Variants in RALGPS1 observed in about 807,000 individuals in gnomAD.
RALGPS1 encodes the protein ras-specific guanine nucleotide-releasing factor RalGPS1.
Under a neutral mutation model 78.8 loss-of-function variants are expected in RALGPS1, and 19 were observed. That is an observed-to-expected ratio of 0.24 (90% CI 0.17 to 0.35). The LOEUF is 0.35. Among genes scored for constraint, RALGPS1 ranks in the 10% least tolerant of loss-of-function variants. The pLI is 1.00. For synonymous variants in RALGPS1, 228 were observed against 256.3 expected (o/e 0.89, Z 1.06); for missense variants, 454 against 688.3 (o/e 0.66, Z 3.81).
Position 126,967,411 on chromosome 9 carries a change from T to G in RALGPS1, c.165+1460T>G, listed in dbSNP as rs188665208. ...GGCTCTTCCTTAGTTGTCTGCTCAC[T>G]CTGTGTTCAAATGTCTGTCCTTAGG... On this transcript the variant is annotated intron_variant, in intron 3 of 18. Transcript: ENST00000259351. Among the ~76,000 whole-genome samples, 1,223 of 152,320 alleles carry G rather than the reference T, an allele frequency of 8.0e-3. 22 individuals carry two copies. Among genetic ancestry groups the G allele is most frequent in the African/African-American group, 0.028 (1,164 of 41,564 alleles).
At chr9:126,970,585 T>G (rs1395502844) in intron 3 of RALGPS1, among the ~76,000 whole-genome samples, 1 of 151,784 alleles carries the variant, frequency 6.6e-6, no homozygotes, top group South Asian at 2.1e-4. Flanking sequence ...TCAGAAAAGA[T>G]AGAGATAGTT....
intron 5 of RALGPS1, among the ~76,000 whole-genome samples, chr9:127,039,161 G>A (rs1386481090): frequency 1.3e-5 from 2 of 152,110 alleles, no homozygotes; most frequent in African/African-American, 4.8e-5. Flanking sequence ...GAGAAACAGA[G>A]GCCCAAGTGA....
intron 4 of RALGPS1, 64 bp from the exon 5 acceptor site, chr9:127,034,367 A>T: frequency 7.1e-6 from 10 of 1,416,826 alleles, no homozygotes; most frequent in Non-Finnish European, 9.0e-6. Context: ...TTCCCATTTA[A>T]TGCCCCTGGT....
chr9:127,159,155 A>G (rs546445639), intron 8 of RALGPS1, among the ~76,000 whole-genome samples: 3 of 152,300 alleles, frequency 2.0e-5, no homozygotes, highest in African/African-American at 7.2e-5. Context: ...AACCAGATGC[A>G]TGGCCTCTCC....
At chr9:127,032,698 A>G (rs1441872816) in intron 4 of RALGPS1, among the ~76,000 whole-genome samples, 4 of 152,170 alleles carry the variant, frequency 2.6e-5, no homozygotes, top group Non-Finnish European at 5.9e-5. Flanking sequence ...TACATTTGAA[A>G]CCGAACATAG....
intron 1 of RALGPS1, among the ~76,000 whole-genome samples, chr9:126,929,473 C>T (rs747698009): frequency 5.9e-5 from 9 of 151,998 alleles, no homozygotes; most frequent in South Asian, 2.1e-4. Flanking sequence ...TTTTTTGAGA[C>T]GGAGTTTTGC....
At chr9:126,954,280 C>T (rs1391822241) in intron 1 of RALGPS1, among the ~76,000 whole-genome samples, 3 of 152,182 alleles carry the variant, frequency 2.0e-5, no homozygotes, top group Admixed American at 6.5e-5. Flanking sequence ...CTCTTCTTTT[C>T]CCCCTGCATG....
At chr9:126,982,841 CTTCTTTCT>C (rs2041392060) in intron 4 of RALGPS1, among the ~76,000 whole-genome samples, 1 of 99,596 alleles carries the variant, frequency 1.0e-5, no homozygotes, top group South Asian at 3.7e-4. Context: ...CTTCTTCTTC[CTTCTTTCT>C]TCCTCCTCCT....
chr9:127,003,440 A>G (rs372823759), intron 4 of RALGPS1, among the ~76,000 whole-genome samples: 2,531 of 149,344 alleles, frequency 0.017, 28 homozygotes, highest in Middle Eastern at 0.038. Flanking sequence ...GTAGCCAAAA[A>G]ACACATGAAA....
At chr9:126,950,940 AAGAG>A (rs2037754623) in intron 1 of RALGPS1, among the ~76,000 whole-genome samples, 1 of 152,190 alleles carries the variant, frequency 6.6e-6, no homozygotes, top group African/African-American at 2.4e-5. Flanking sequence ...TAAAGAAAAA[AAGAG>A]AGAAGAATAA....
intron 7 of RALGPS1, 66 bp from the exon 8 acceptor site, chr9:127,069,164 C>G: frequency 6.3e-6 from 9 of 1,425,038 alleles, no homozygotes; most frequent in Non-Finnish European, 8.7e-6. Flanking sequence ...TAGTCTTCAT[C>G]CACAGTTATC....
At chr9:127,073,803 A>G (rs2050434620) in intron 8 of RALGPS1, among the ~76,000 whole-genome samples, 1 of 152,074 alleles carries the variant, frequency 6.6e-6, no homozygotes, top group African/African-American at 2.4e-5. Flanking sequence ...GCCCAAGACG[A>G]TATCTCATTG....
At chr9:126,916,286 G>C (rs946470332) in intron 1 of RALGPS1, among the ~76,000 whole-genome samples, 1 of 152,202 alleles carries the variant, frequency 6.6e-6, no homozygotes, top group Non-Finnish European at 1.5e-5. Flanking sequence ...CCGTGTCTTG[G>C]ATCGTGACTG....
At chr9:127,157,057 C>T (rs932098474) in intron 8 of RALGPS1, among the ~76,000 whole-genome samples, 2 of 151,930 alleles carry the variant, frequency 1.3e-5, no homozygotes, top group Admixed American at 6.5e-5. Flanking sequence ...TTGCTGGGCT[C>T]CCTTTATTTG....
At chr9:127,195,442 G>C (rs1349972625) in intron 12 of RALGPS1, among the ~76,000 whole-genome samples, 1 of 152,248 alleles carries the variant, frequency 6.6e-6, no homozygotes, top group African/African-American at 2.4e-5. Context: ...CCACCGACAG[G>C]TGTCTCAGGC....
rs781742994 is a variant in RALGPS1 at position 127,108,644 on chromosome 9, T to C, written c.610+39288T>C. ...AACTCTCTTGGCGAGCCCTCCTCAG[T>C]GCCCTCAAAACCGTCCTCCTGGCCT... On this transcript the variant is annotated intron_variant, in intron 8 of 18. Coordinates refer to ENST00000259351, the MANE Select transcript of RALGPS1 (RefSeq NM_014636.3). 15 of 1,613,558 alleles carry C rather than the reference T, an allele frequency of 9.3e-6. No homozygotes were observed. In the Admixed American group the frequency reaches 2.0e-4, roughly 22 times the overall value.
Position 127,195,237 on chromosome 9 carries a change from C to T in RALGPS1, c.1037+20C>T, listed in dbSNP as rs754151803. On this transcript the variant is annotated intron_variant, in intron 12 of 18. Transcript: ENST00000259351. ...CAACAAGTGGGTGACTGAGCAAGCC[C>T]TCCCGCCGGGCTTCAGACCGTCCTG... is the stretch of plus-strand genomic sequence containing the variant. 2.2e-5 allele frequency: 36 copies of T among 1,605,342 alleles called. No homozygotes were observed. Among genetic ancestry groups the T allele is most frequent in the Admixed American group, 3.3e-5 (2 of 59,996 alleles).
intron 3 of RALGPS1, among the ~76,000 whole-genome samples, chr9:126,971,788 A>G (rs1174882486): frequency 6.6e-6 from 1 of 152,218 alleles, no homozygotes; most frequent in Admixed American, 6.5e-5. Context: ...TAGAGGGTAT[A>G]GTTTGTAATG....
intron 8 of RALGPS1, among the ~76,000 whole-genome samples, chr9:127,136,993 G>T (rs1475931567): frequency 6.6e-6 from 1 of 152,094 alleles, no homozygotes; most frequent in Non-Finnish European, 1.5e-5. Context: ...GATGGCCACA[G>T]GAATGACCCA....
Sources: gnomAD v4.1 joint callset for allele counts (sites outside exome capture counted in the v4.1 genomes callset) on GRCh38, gnomAD v4.1.1 for gene constraint, MANE v1.5 for transcripts, NCBI Gene and HGNC (gene_info 2026-07-23, HGNC 2026-07-21) for gene names.